Variants in SH3KBP1 observed in about 807,000 individuals in gnomAD.
SH3KBP1 encodes SH3 domain containing kinase binding protein 1.
Under a neutral mutation model 50.1 loss-of-function variants are expected in SH3KBP1, and 8 were observed. The ratio of observed to expected loss-of-function variants is 0.16; its 90% CI spans 0.09 to 0.29. The LOEUF is 0.29. SH3KBP1 is among the 10% of genes least tolerant of loss of function. SH3KBP1 has a pLI of 1.00. For missense variants in SH3KBP1, 377 were observed against 535.2 expected, an observed-to-expected ratio of 0.70 and a Z score of 2.92; for synonymous variants, 227 against 218.6, an observed-to-expected ratio of 1.04 and a Z score of -0.34.
At chrX:19,779,662 G>C (rs1327625836) in intron 2 of SH3KBP1, among the ~76,000 whole-genome samples, 6 of 100,453 alleles carry the variant, frequency 6.0e-5, no homozygotes, top group African/African-American at 2.2e-4. Flanking sequence ...CCACCTATGA[G>C]TGAGAATATG....
chrX:19,695,664 T>C lies in SH3KBP1; in HGVS notation c.468A>G (p.Ser156=). Residue 156 remains serine, a synonymous_variant, in exon 5 of 18, where the codon TCA becomes TCG. Transcript: ENST00000397821. ...AAATGCCAAGCTCATCCGACTCCCC[T>C]GACAGCTCCTTGATGAAGTTGGAAG... is the stretch of plus-strand genomic sequence containing the variant. ...MFPSNFIKEL[S]GESDELGISQ... 8.3e-7 allele frequency: 1 copy of C among 1,209,761 alleles called. No homozygotes were observed. Among genetic ancestry groups the C allele is most frequent in the Non-Finnish European group, 1.1e-6 (1 of 894,737 alleles).
At chrX:19,856,079 T>C (rs773395890) in intron 1 of SH3KBP1, among the ~76,000 whole-genome samples, 7 of 109,575 alleles carry the variant, frequency 6.4e-5, no homozygotes, top group Non-Finnish European at 1.3e-4. Flanking sequence ...CATGGGAGCA[T>C]GGGGAGACTG....
intron 2 of SH3KBP1, among the ~76,000 whole-genome samples, chrX:19,834,575 T>C (rs1225675191): frequency 2.7e-5 from 3 of 112,418 alleles, no homozygotes; most frequent in Non-Finnish European, 5.6e-5. Flanking sequence ...TACTTACAAC[T>C]GTGTGGTAAT....
At chrX:19,766,571 C>T (rs1481784668) in intron 2 of SH3KBP1, among the ~76,000 whole-genome samples, 3 of 84,338 alleles carry the variant, frequency 3.6e-5, no homozygotes, top group Non-Finnish European at 6.5e-5. Context: ...GTGGCACAAT[C>T]TCGGCTCACC....
intron 3 of SH3KBP1, among the ~76,000 whole-genome samples, chrX:19,739,256 G>A (rs956316024): frequency 3.6e-5 from 4 of 111,540 alleles, no homozygotes; most frequent in African/African-American, 6.5e-5. Flanking sequence ...CATACCAAGC[G>A]GGGGCAGTCT....
chrX:19,817,707 TCA>T (rs2067399043), intron 2 of SH3KBP1, among the ~76,000 whole-genome samples: 1 of 111,834 alleles, frequency 8.9e-6, no homozygotes, highest in South Asian at 3.7e-4. Context: ...AGATCTCAGC[TCA>T]CTGCAACCTC....
intron 12 of SH3KBP1, among the ~76,000 whole-genome samples, chrX:19,572,858 G>T (rs757864066): frequency 1.8e-5 from 2 of 111,875 alleles, no homozygotes; most frequent in African/African-American, 3.2e-5. Flanking sequence ...AGGGACAAAG[G>T]CAGGTTAAAA....
At chrX:19,678,144 C>A (rs186548974) in intron 6 of SH3KBP1, among the ~76,000 whole-genome samples, 1 of 111,893 alleles carries the variant, frequency 8.9e-6, no homozygotes, top group East Asian at 2.8e-4. Flanking sequence ...TACCTTCCAA[C>A]TTTGCCTTCA....
chrX:19,763,138 C>T (rs1435195763), intron 2 of SH3KBP1, among the ~76,000 whole-genome samples: 1 of 111,654 alleles, frequency 9.0e-6, no homozygotes, highest in Non-Finnish European at 1.9e-5. Flanking sequence ...CATCACTGTG[C>T]CCATAACTCT....
intron 1 of SH3KBP1, among the ~76,000 whole-genome samples, chrX:19,874,062 A>ATAT (rs1336839110): frequency 3.4e-5 from 3 of 88,809 alleles, no homozygotes; most frequent in African/African-American, 5.6e-5. Context: ...AAAAAAAAAA[A>ATAT]AAAAAAATAT....
At chrX:19,670,899 T>C in intron 6 of SH3KBP1, 2 of 1,157,595 alleles carry the variant, frequency 1.7e-6, no homozygotes, top group African/African-American at 2.0e-5. Flanking sequence ...CTCTCTTCAG[T>C]TTGAAAAGGT....
At chrX:19,780,578 C>T (rs1055249448) in intron 2 of SH3KBP1, among the ~76,000 whole-genome samples, 1 of 109,385 alleles carries the variant, frequency 9.1e-6, no homozygotes, top group Non-Finnish European at 1.9e-5. Context: ...GGTTTTAGGT[C>T]TAACGTTTTA....
chrX:19,661,958 C>T (rs1362988691), intron 6 of SH3KBP1, among the ~76,000 whole-genome samples: 7 of 111,627 alleles, frequency 6.3e-5, no homozygotes, highest in African/African-American at 2.0e-4. Context: ...AAATAGCATA[C>T]ACTGAGGTAG....
intron 1 of SH3KBP1, among the ~76,000 whole-genome samples, chrX:19,865,129 A>T (rs1001787773): frequency 1.8e-5 from 2 of 112,781 alleles, no homozygotes; most frequent in African/African-American, 6.5e-5. Context: ...TGAGACTATT[A>T]CTTATGAAAT....
chrX:19,726,732 G>A (rs768511238), intron 3 of SH3KBP1, among the ~76,000 whole-genome samples: 1 of 111,743 alleles, frequency 8.9e-6, no homozygotes, highest in Non-Finnish European at 1.9e-5. Flanking sequence ...GAGGAAGGAG[G>A]TTGCAAATAT....
intron 13 of SH3KBP1, among the ~76,000 whole-genome samples, chrX:19,561,094 A>G (rs973232766): frequency 9.4e-6 from 1 of 106,669 alleles, no homozygotes; most frequent in African/African-American, 3.5e-5. Flanking sequence ...AAAAAAAAAA[A>G]GAGCAGTCTG....
At position 19,536,132 on chromosome X, in the gene SH3KBP1, G is replaced by A. The variant is rs1274878466; in HGVS notation, c.*285C>T. 1 of 222,733 alleles carries A rather than the reference G, an allele frequency of 4.5e-6. No individual in the cohort carries two copies. Among genetic ancestry groups the A allele is most frequent in the Non-Finnish European group, 8.1e-6 (1 of 122,775 alleles). The allele number at this position is 222,733 out of a possible 1,213,427, so 18.4% of individuals were successfully genotyped here. A position where few individuals can be genotyped will look rare whatever the true frequency, so the allele number is the denominator to read the frequency against. ...AAATAGTACCACTATGGACTAAACT[G>A]CCTGAGTTTTCATTTCGCATTGAGA... On this transcript the variant is annotated 3_prime_UTR_variant, in exon 18 of 18. Coordinates refer to ENST00000397821, the MANE Select transcript of SH3KBP1 (RefSeq NM_031892.3).
At chrX:19,648,075 T>C (rs759229452) in intron 6 of SH3KBP1, 7 of 373,195 alleles carry the variant, frequency 1.9e-5, no homozygotes, top group Non-Finnish European at 5.2e-6. Context: ...TCTCTCTCCT[T>C]TCCCACCAAA....
At chrX:19,684,128 C>G in intron 5 of SH3KBP1, 100 bp from the exon 6 acceptor site, 5 of 634,137 alleles carry the variant, frequency 7.9e-6, no homozygotes, top group Non-Finnish European at 1.3e-5. Context: ...AAAAGTGTGA[C>G]TGGGCACAGG....
Sources: gnomAD v4.1 joint callset for allele counts (sites outside exome capture counted in the v4.1 genomes callset) on GRCh38, gnomAD v4.1.1 for gene constraint, MANE v1.5 for transcripts, NCBI Gene and HGNC (gene_info 2026-07-23, HGNC 2026-07-21) for gene names.